The following SLC44A2 variants were observed in gnomAD, a reference collection of about 807,000 sequenced individuals.
SLC44A2 encodes the protein choline transporter-like protein 2.
Under a neutral mutation model 90.8 loss-of-function variants are expected in SLC44A2, and 57 were observed. The observed-to-expected ratio is 0.63, with a 90% CI of 0.51 to 0.78. The LOEUF is 0.78. Ranked by LOEUF, SLC44A2 falls within the 30% of genes least tolerant of loss-of-function variation. SLC44A2 has a pLI of 0.00. For synonymous variants in SLC44A2, 355 were observed against 360.7 expected (o/e 0.98, Z 0.18); for missense variants, 794 against 919.7 (o/e 0.86, Z 1.77).
intron 10 of SLC44A2, 96 bp downstream of exon 10, chr19:10,632,252 T>A: frequency 8.6e-7 from 1 of 1,169,038 alleles, no homozygotes. Context: ...CAAAAAAAAG[T>A]CAGGCCGGGC....
At chr19:10,602,687 C>T (rs1008945938) in intron 1 of SLC44A2, 3 of 858,496 alleles carry the variant, frequency 3.5e-6, no homozygotes, top group Admixed American at 9.4e-5. Flanking sequence ...GCTCGGGCCC[C>T]CGCATCCGAC....
At chr19:10,623,467 G>A (rs2066906447), upstream of SLC44A2, among the ~76,000 whole-genome samples, 1 of 152,034 alleles carries the variant, frequency 6.6e-6, no homozygotes, top group Non-Finnish European at 1.5e-5. Flanking sequence ...GTATATTCCT[G>A]CTGAGGATAC....
chr19:10,641,693 A>G (rs2067117749), intron 20 of SLC44A2, among the ~76,000 whole-genome samples: 1 of 151,860 alleles, frequency 6.6e-6, no homozygotes, highest in Admixed American at 6.6e-5. Context: ...AAAAAATACA[A>G]AGGTTAGCCG....
At chr19:10,612,552 C>T (rs980349035) in intron 1 of SLC44A2, among the ~76,000 whole-genome samples, 1 of 152,184 alleles carries the variant, frequency 6.6e-6, no homozygotes, top group African/African-American at 2.4e-5. Context: ...TGGCGATGCT[C>T]ATTCCCCAGG....
chr19:10,608,895 C>G (rs1040745720), intron 1 of SLC44A2, among the ~76,000 whole-genome samples: 1 of 151,162 alleles, frequency 6.6e-6, no homozygotes, highest in African/African-American at 2.4e-5. Context: ...AAGCTATCCA[C>G]GTGCTTCAGC....
chr19:10,628,065 T>A, intron 4 of SLC44A2, 61 bp downstream of exon 4: 1 of 1,426,544 alleles, frequency 7.0e-7, no homozygotes, highest in Non-Finnish European at 9.7e-7. Context: ...ATTCTAGGCA[T>A]TCCCCATCTC....
Position 10,635,211 on chromosome 19 carries a change from CT to C in SLC44A2, c.1106del (p.Phe369SerfsTer152). On this transcript the variant is annotated frameshift_variant, in exon 13 of 22. Coordinates refer to ENST00000335757, the MANE Select transcript of SLC44A2 (RefSeq NM_020428.4). LOFTEE classifies it high-confidence loss of function. Reference protein sequence around the residue: ...CSLLYPLVTFFLLCLCIAYWA... With the variant: ...CSLLYPLVTFXLLCLCIAYWA... ...CCTTGCTCTACCCACTGGTCACCTT[CT>C]TCTTGCTGTGCCTCTGCATCGCCTA... 3 of 1,614,084 alleles carry C rather than the reference CT, an allele frequency of 1.9e-6. No homozygotes were observed. The highest frequency in any genetic ancestry group is 2.5e-6 in the Non-Finnish European group (3 of 1,180,034).
intron 4 of SLC44A2, among the ~76,000 whole-genome samples, chr19:10,630,388 G>A (rs922690675): frequency 6.6e-6 from 1 of 152,106 alleles, no homozygotes; most frequent in Non-Finnish European, 1.5e-5. Flanking sequence ...CGGGCGCAGT[G>A]GCTCACGCAT....
chr19:10,604,586 C>T (rs577577027), intron 1 of SLC44A2, among the ~76,000 whole-genome samples: 2 of 152,230 alleles, frequency 1.3e-5, no homozygotes, highest in East Asian at 3.9e-4. Flanking sequence ...AGTTTAGGGG[C>T]TGACATCAGA....
intron 1 of SLC44A2, among the ~76,000 whole-genome samples, chr19:10,610,127 G>A (rs1393368512): frequency 6.6e-6 from 1 of 151,322 alleles, no homozygotes; most frequent in Admixed American, 6.6e-5. Flanking sequence ...TATTTAGATT[G>A]TTGGGTGGTG....
In SLC44A2 at chr19:10,635,081, G is replaced by C; in HGVS notation, c.1055+8G>C. 1 of 1,613,940 alleles carries C rather than the reference G, an allele frequency of 6.2e-7. No individual in the cohort carries two copies. Among genetic ancestry groups the C allele is most frequent in the South Asian group, 1.1e-5 (1 of 91,066 alleles). On this transcript the variant is annotated splice_region_variant and intron_variant, in intron 12 of 21. Coordinates refer to ENST00000335757, the MANE Select transcript of SLC44A2 (RefSeq NM_020428.4). ...CATCAAAGAAGCCAGCAGGTGGGGG[G>C]CCAGGGTGCCAGGGGCCAGGATGGA...
chr19:10,629,116 A>G (rs572757400), intron 4 of SLC44A2, among the ~76,000 whole-genome samples: 3 of 150,256 alleles, frequency 2.0e-5, no homozygotes, highest in South Asian at 4.3e-4. Context: ...AGGCAGGAGA[A>G]TTGCTTGAAC....
intron 1 of SLC44A2, among the ~76,000 whole-genome samples, chr19:10,607,269 G>T (rs1918137846): frequency 6.6e-6 from 1 of 151,966 alleles, no homozygotes; most frequent in Non-Finnish European, 1.5e-5. Flanking sequence ...AAATACAAAA[G>T]ATACAAAAGA....
chr19:10,617,756 A>C (rs2066866912), intron 1 of SLC44A2, among the ~76,000 whole-genome samples: 4 of 152,120 alleles, frequency 2.6e-5, no homozygotes, highest in Non-Finnish European at 1.5e-5. Flanking sequence ...GGGTTGATGA[A>C]ATGGCCTCCA....
rs1238173249 is a variant in SLC44A2 at position 10,635,021 on chromosome 19, T to G, written c.1003T>G (p.Phe335Val). The change falls in exon 12 of 22, where the codon TTT becomes GTT. Residue 335 changes from phenylalanine (F) to valine (V), a missense_variant. Physicochemically the swap from Phe to Val is conservative, Grantham distance 50. This residue lies in a region of SLC44A2 where 738 missense variants were observed against 841.1 expected (regional missense o/e 0.88). Coordinates refer to ENST00000335757, the MANE Select transcript of SLC44A2 (RefSeq NM_020428.4). ...AGTCATTATCATCTTGCTGCTCATCTTTCTCCGGAAGAGAATTCTCATCGC... is the reference window on the plus strand; with the variant it reads ...AGTCATTATCATCTTGCTGCTCATCGTTCTCCGGAAGAGAATTCTCATCGC... ...LEVIIILLLI[F>V]LRKRILIAIA... The G allele has an allele frequency of 6.2e-7, 1 of 1,614,184 alleles. No homozygotes were observed. The highest frequency in any genetic ancestry group is 1.3e-5 in the African/African-American group (1 of 75,054).
intron 20 of SLC44A2, chr19:10,641,534 C>T (rs2144894759): frequency 2.6e-6 from 1 of 383,766 alleles, no homozygotes; most frequent in East Asian, 7.4e-5. Flanking sequence ...GACAATAGCA[C>T]ATGCAGAGGC....
intron 8 of SLC44A2, 27 bp downstream of exon 8, chr19:10,631,776 G>C: frequency 6.2e-7 from 1 of 1,614,062 alleles, no homozygotes; most frequent in Non-Finnish European, 8.5e-7. Flanking sequence ...ACCGCGCCAG[G>C]GTCTCACTTT....
intron 1 of SLC44A2, among the ~76,000 whole-genome samples, chr19:10,614,029 G>T (rs1288248016): frequency 6.6e-6 from 1 of 151,814 alleles, no homozygotes; most frequent in African/African-American, 2.4e-5. Context: ...GCAGTGATGC[G>T]ATCTTGGCTC....
intron 20 of SLC44A2, 90 bp from the exon 21 acceptor site, chr19:10,642,277 G>A: frequency 9.4e-7 from 1 of 1,060,536 alleles, no homozygotes; most frequent in Admixed American, 1.8e-5. Flanking sequence ...AGCAGGGGAA[G>A]GATGTGGTCC....
Sources: allele counts gnomAD v4.1 joint callset (sites outside exome capture counted in the v4.1 genomes callset), GRCh38; gene constraint gnomAD v4.1.1; regional missense constraint gnomAD v4.1.1; transcripts MANE v1.5; gene names NCBI Gene and HGNC (gene_info 2026-07-23, HGNC 2026-07-21).